Variants in KDM2B observed in about 807,000 individuals in gnomAD.
The protein encoded by KDM2B is lysine demethylase 2B.
A neutral mutation model predicts 150.0 loss-of-function variants in KDM2B; 26 were observed. The observed-to-expected ratio is 0.17, with a 90% CI of 0.13 to 0.24. The LOEUF (loss-of-function observed/expected upper bound fraction) is 0.24, where lower values mean the gene tolerates loss of function less well. Ranked by LOEUF, KDM2B falls within the 10% of genes least tolerant of loss-of-function variation. KDM2B has a pLI of 1.00. For missense variants in KDM2B, 1,265 were observed against 1,816.9 expected, an observed-to-expected ratio of 0.70 and a Z score of 5.52; for synonymous variants, 734 against 729.5, an observed-to-expected ratio of 1.01 and a Z score of -0.10.
chr12:121,443,833 T>A (rs781926554), intron 16 of KDM2B, 40 bp from the exon 17 acceptor site: 2 of 1,419,430 alleles, frequency 1.4e-6, no homozygotes, highest in South Asian at 2.5e-5. Context: ...GACTCGCTGG[T>A]TTTCCCCTCC....
At chr12:121,559,374 A>G (rs1555313397) in intron 4 of KDM2B, among the ~76,000 whole-genome samples, 2 of 152,014 alleles carry the variant, frequency 1.3e-5, no homozygotes, top group African/African-American at 2.4e-5. Context: ...TGGGAGGAGG[A>G]AGGAAAGTCA....
At chr12:121,441,962 A>G (rs1281707879) in intron 19 of KDM2B, among the ~76,000 whole-genome samples, 195 bp downstream of exon 19, 1 of 152,216 alleles carries the variant, frequency 6.6e-6, no homozygotes. Flanking sequence ...CAGGAAGCTA[A>G]ATCGGAATAA....
At chr12:121,484,555 C>T (rs1555298472) in intron 12 of KDM2B, among the ~76,000 whole-genome samples, 2 of 152,220 alleles carry the variant, frequency 1.3e-5, no homozygotes, top group African/African-American at 2.4e-5. Flanking sequence ...TGGTGGCTCA[C>T]GCCTGTAGTC....
In KDM2B at chr12:121,430,525, C is replaced by A. The variant is rs559338082; in HGVS notation, c.3830-56G>T. 150 of 1,327,700 alleles carry A rather than the reference C, an allele frequency of 1.1e-4. 1 individual carries two copies. In the South Asian group the frequency reaches 1.6e-3, roughly 14 times the overall value. The allele number at this position is 1,327,700 out of a possible 1,614,324, so 82.2% of individuals were successfully genotyped here. A position where few individuals can be genotyped will look rare whatever the true frequency, so the allele number is the denominator to read the frequency against. On this transcript the variant is annotated intron_variant, in intron 22 of 22. Coordinates refer to ENST00000377071, the MANE Select transcript of KDM2B (RefSeq NM_032590.5). The surrounding 1 kb of genome is among the most constrained non-coding windows in gnomAD (Gnocchi z 4.4). ...GAAGGCCAGGAGCCAGAAGCCCCCC[C>A]GCCGCCAGACCCAGGCACTCAGCAG... is the stretch of plus-strand genomic sequence containing the variant.
intron 1 of KDM2B, 176 bp from the exon 2 acceptor site, chr12:121,579,122 G>A: frequency 1.4e-6 from 1 of 693,840 alleles, no homozygotes; most frequent in East Asian, 2.8e-5. Flanking sequence ...CAAGGAGAGG[G>A]GCCCGCACCC....
In KDM2B at chr12:121,443,800, G is replaced by T. The variant is rs201930981; in HGVS notation, c.2452-7C>A. On this transcript the variant is annotated splice_region_variant and splice_polypyrimidine_tract_variant and intron_variant, in intron 16 of 22. Transcript: ENST00000377071. ...ACGTTTGAAGCGATGAGGCCTAAAGGGGGGTGGAGTGGGAAGAGGAGTGAC... is the reference window on the plus strand; with the variant it reads ...ACGTTTGAAGCGATGAGGCCTAAAGTGGGGTGGAGTGGGAAGAGGAGTGAC... The T allele has an allele frequency of 5.4e-5, 84 of 1,548,436 alleles. No individual in the cohort carries two copies. The highest frequency in any genetic ancestry group is 3.0e-4 in the Admixed American group (17 of 56,922).
intron 2 of KDM2B, among the ~76,000 whole-genome samples, 159 bp from the exon 3 acceptor site, chr12:121,576,018 G>A (rs77775665): frequency 6.6e-6 from 1 of 152,288 alleles, no homozygotes; most frequent in African/African-American, 2.4e-5. Flanking sequence ...GAAAATGATC[G>A]GGAAATGGAT....
At chr12:121,501,884 G>C (rs1884597496) in intron 11 of KDM2B, among the ~76,000 whole-genome samples, 1 of 152,136 alleles carries the variant, frequency 6.6e-6, no homozygotes, top group Non-Finnish European at 1.5e-5. Flanking sequence ...GCCTCCCAAA[G>C]TGCTGAGATG....
rs782443488 is a variant in KDM2B, at chr12:121,442,279, C to A, written c.3162G>T (p.Ser1054=). The A allele has an allele frequency of 2.0e-5, 33 of 1,611,868 alleles. No individual in the cohort carries two copies. Among genetic ancestry groups the A allele is most frequent in the Non-Finnish European group, 2.5e-5 (30 of 1,179,148 alleles). Residue 1054 remains serine, a synonymous_variant, in exon 19 of 23, where the codon TCG becomes TCT. Coordinates refer to ENST00000377071, the MANE Select transcript of KDM2B (RefSeq NM_032590.5). The surrounding 1 kb of genome is among the most constrained non-coding windows in gnomAD (Gnocchi z 7.7). ...GGGCTGCCCCATCGTCCAGGGGTAG[C>A]GAGTCAGGCGGGGGGCTGATGGGGG... ...RPPPISPPPD[S]LPLDDGAAHV... is the part of the protein sequence containing the mutation.
At chr12:121,441,429 T>A (rs1308832664) in intron 19 of KDM2B, among the ~76,000 whole-genome samples, 196 bp from the exon 20 acceptor site, 2 of 151,988 alleles carry the variant, frequency 1.3e-5, no homozygotes, top group Non-Finnish European at 2.9e-5. Context: ...TGGCCTCCAC[T>A]CTCCATCAAG....
chr12:121,512,831 G>T (rs931203056), intron 10 of KDM2B, among the ~76,000 whole-genome samples: 1 of 152,174 alleles, frequency 6.6e-6, no homozygotes, highest in South Asian at 2.1e-4. Context: ...CACCCCTCCT[G>T]CTGCCTCAAA....
chr12:121,568,742 G>C (rs1323981191), intron 4 of KDM2B, among the ~76,000 whole-genome samples: 3 of 151,872 alleles, frequency 2.0e-5, no homozygotes, highest in African/African-American at 7.3e-5. Flanking sequence ...GATGTGTTCA[G>C]TTTGTTAAAA....
intron 6 of KDM2B, among the ~76,000 whole-genome samples, chr12:121,538,095 G>A (rs1888307317): frequency 6.6e-6 from 1 of 151,772 alleles, no homozygotes; most frequent in Admixed American, 6.6e-5. Flanking sequence ...TCCTTCCGCG[G>A]GGAGCCGGGC....
chr12:121,578,839 C>T lies in KDM2B; in HGVS notation c.234G>A (p.Leu78=), dbSNP rs952511741. The part of the protein sequence containing the change: ...FSLEEKLRSQ[L]YQGDFVHAME... ...TGGCGTGCACGAAGTCCCCCTGGTA[C>T]AGCTGGCTGCGAAGCTTCTCCTCCA... Residue 78 remains leucine (L), a synonymous_variant, in exon 2 of 23, where the codon CTG becomes CTA. Coordinates refer to ENST00000377071, the MANE Select transcript of KDM2B (RefSeq NM_032590.5). 3.1e-6 allele frequency: 5 copies of T among 1,609,436 alleles called. No individual in the cohort carries two copies. The highest frequency in any genetic ancestry group is 4.2e-6 in the Non-Finnish European group (5 of 1,178,324).
In KDM2B at chr12:121,444,154, C is replaced by T; in HGVS notation, c.2309G>A (p.Cys770Tyr). Residue 770 changes from cysteine to tyrosine, a missense_variant, in exon 16 of 23, where the codon TGT becomes TAT. Physicochemically the swap from Cys to Tyr is radical, Grantham distance 194 (BLOSUM62 -2). Around this residue, in one of 11 missense-constraint regions of KDM2B, gnomAD observed 418 missense variants for 402.4 expected, o/e 1.04. Transcript: ENST00000377071. The part of the protein sequence containing the change: ...GQEPAKRRSE[C>Y]EEAPRRRSDE... ...CGACCTGCGCCGGGGCGCCTCCTCA[C>T]ACTCACTCCTCCGCTTGGCAGGTTC... The T allele has an allele frequency of 2.5e-6, 4 of 1,612,636 alleles. No homozygotes were observed. Among genetic ancestry groups the T allele is most frequent in the Non-Finnish European group, 3.4e-6 (4 of 1,180,038 alleles).
chr12:121,466,510 TCCTCCGCCGCCG>T (rs1394733439), intron 12 of KDM2B, among the ~76,000 whole-genome samples: 1 of 151,004 alleles, frequency 6.6e-6, no homozygotes, highest in Non-Finnish European at 1.5e-5. Context: ...GGTCGCGGCT[TCCTCCGCCGCCG>T]CCGCCGCTGC....
chr12:121,568,895 C>G (rs1298282375), intron 4 of KDM2B, among the ~76,000 whole-genome samples: 2 of 145,110 alleles, frequency 1.4e-5, no homozygotes, highest in Non-Finnish European at 3.0e-5. Context: ...AGGCTTGGAG[C>G]TGGGAACAGA....
intron 1 of KDM2B, 146 bp from the exon 2 acceptor site, chr12:121,579,092 A>C: frequency 3.5e-6 from 3 of 853,966 alleles, no homozygotes; most frequent in Non-Finnish European, 5.4e-6. Flanking sequence ...CGCAATTGCC[A>C]AAGATGCTGA....
At chr12:121,460,514 G>A (rs777158314) in intron 12 of KDM2B, among the ~76,000 whole-genome samples, 57 of 152,270 alleles carry the variant, frequency 3.7e-4, no homozygotes, top group Non-Finnish European at 5.7e-4. Flanking sequence ...ATCCTCCCAC[G>A]TCAGCCTCCT....
Sources: gnomAD v4.1 joint callset for allele counts (sites outside exome capture counted in the v4.1 genomes callset) on GRCh38, gnomAD v4.1.1 for gene constraint, gnomAD v4.1.1 regional missense constraint, Gnocchi (gnomAD v3.1) non-coding constraint, MANE v1.5 for transcripts, NCBI Gene and HGNC (gene_info 2026-07-23, HGNC 2026-07-21) for gene names.